The following USP47 variants were observed in gnomAD, a reference collection of about 807,000 sequenced individuals.
USP47 encodes the protein ubiquitin carboxyl-terminal hydrolase 47.
A neutral mutation model predicts 165.1 loss-of-function variants in USP47; 35 were observed. The observed-to-expected ratio is 0.21, with a 90% CI of 0.16 to 0.28. USP47 has a LOEUF of 0.28. USP47 is among the 10% of genes least tolerant of loss of function. The pLI, the probability that USP47 is intolerant of heterozygous loss-of-function variation, is 1.00. For synonymous variants in USP47, 531 were observed against 544.5 expected, an observed-to-expected ratio of 0.98 and a Z score of 0.35; for missense variants, 1,277 against 1,607.4, an observed-to-expected ratio of 0.79 and a Z score of 3.52.
chr11:11,904,153 G>A (rs1564872430), intron 7 of USP47, among the ~76,000 whole-genome samples: 1 of 152,156 alleles, frequency 6.6e-6, no homozygotes, highest in Non-Finnish European at 1.5e-5. Flanking sequence ...TCTTGTTACA[G>A]TTATATGCAC....
Position 11,958,712 on chromosome 11 carries a change from A to C in USP47, c.*2537A>C, listed in dbSNP as rs1847324087. 1 of 152,236 alleles carries C rather than the reference A, an allele frequency of 6.6e-6. No individual in the cohort carries two copies. The highest frequency in any genetic ancestry group is 1.5e-5 in the Non-Finnish European group (1 of 68,064). 9.4% of individuals were successfully genotyped at this position (152,236 alleles called of 1,614,324 possible). On this transcript the variant is annotated 3_prime_UTR_variant, in exon 28 of 28. Transcript: ENST00000527733. ...AAGTACCTGTGTTTCTAAGGCGGGCACTCAAGGTGAGGGGTGCATTCTGGC... is the reference window on the plus strand; with the variant it reads ...AAGTACCTGTGTTTCTAAGGCGGGCCCTCAAGGTGAGGGGTGCATTCTGGC...
intron 8 of USP47, 73 bp from the exon 9 acceptor site, chr11:11,920,083 G>A: frequency 8.7e-7 from 1 of 1,146,732 alleles, no homozygotes. Context: ...AGTAATTACA[G>A]TCTTTTTTAT....
At chr11:11,954,977 G>T in intron 26 of USP47, 33 bp downstream of exon 26, 3 of 1,613,664 alleles carry the variant, frequency 1.9e-6, no homozygotes, top group Non-Finnish European at 2.5e-6. Context: ...TCTGTGTATT[G>T]TGCATGATAA....
Position 11,942,964 on chromosome 11 carries a change from G to A in USP47, c.2943G>A (p.Gly981=). ...TSSRRTKANE[G]KKETWDTAEE... ...GTAGAAGAACGAAAGCAAATGAAGG[G>A]AAAAAAGAAACATGGGATACAGCAG... Residue 981 remains glycine (G), a synonymous_variant, in exon 20 of 28, where the codon GGG becomes GGA. Coordinates refer to ENST00000527733, the MANE Select transcript of USP47 (RefSeq NM_001282659.2). 9 of 1,613,326 alleles carry A rather than the reference G, an allele frequency of 5.6e-6. No individual in the cohort carries two copies. The highest frequency in any genetic ancestry group is 6.8e-6 in the Non-Finnish European group (8 of 1,179,626).
intron 24 of USP47, 119 bp downstream of exon 24, chr11:11,950,601 G>T (rs1402996275): frequency 1.4e-6 from 1 of 711,964 alleles, no homozygotes; most frequent in Non-Finnish European, 2.3e-6. Flanking sequence ...ATAGTGTTTT[G>T]TGTTATATTA....
chr11:11,892,522 T>C (rs939530536), intron 4 of USP47, among the ~76,000 whole-genome samples: 3 of 151,446 alleles, frequency 2.0e-5, no homozygotes, highest in Non-Finnish European at 4.4e-5. Flanking sequence ...GCTGGGATTA[T>C]AGGTGTACTG....
chr11:11,913,332 A>G (rs974541085), intron 8 of USP47, among the ~76,000 whole-genome samples: 2 of 151,828 alleles, frequency 1.3e-5, no homozygotes, highest in Non-Finnish European at 2.9e-5. Flanking sequence ...AAATAACATA[A>G]AAAATAAATT....
chr11:11,933,129 CA>C lies in USP47; in HGVS notation c.1764+14del. The C allele has an allele frequency of 6.2e-7, 1 of 1,603,282 alleles. No homozygotes were observed. The highest frequency in any genetic ancestry group is 8.5e-7 in the Non-Finnish European group (1 of 1,172,998). ...CAATACATGCAAGGTTGAATTCCAT[CA>C]TTTTATTTTTAATTGAAAGTGCTAT... On this transcript the variant is annotated intron_variant, in intron 15 of 27. Coordinates refer to ENST00000527733, the MANE Select transcript of USP47 (RefSeq NM_001282659.2).
rs774862105 is a variant in USP47 at position 11,929,420 on chromosome 11, T to A, written c.1387-14T>A. 6.2e-7 allele frequency: 1 copy of A among 1,609,700 alleles called. No homozygotes were observed. The highest frequency in any genetic ancestry group is 1.1e-5 in the South Asian group (1 of 90,386). ...TTCCTTCTCCTCTGAGTTACTTTTA[T>A]TTTTTCCCCTTAGAATTCCTTGATC... On this transcript the variant is annotated splice_polypyrimidine_tract_variant and intron_variant, in intron 11 of 27. Transcript: ENST00000527733.
At chr11:11,906,607 C>T (rs1476257517) in intron 8 of USP47, among the ~76,000 whole-genome samples, 3 of 152,060 alleles carry the variant, frequency 2.0e-5, no homozygotes, top group African/African-American at 4.8e-5. Context: ...TTCTGGGTAG[C>T]GTAAGATCAA....
At chr11:11,934,911 G>T (rs961952152) in intron 16 of USP47, among the ~76,000 whole-genome samples, 1 of 152,084 alleles carries the variant, frequency 6.6e-6, no homozygotes, top group African/African-American at 2.4e-5. Flanking sequence ...ATCATTTTGT[G>T]TATAATTATA....
rs747121036 is a variant in USP47 at position 11,940,567 on chromosome 11, C to G, written c.2313+19C>G. The stretch of plus-strand genomic sequence containing the variant: ...TAACAAGGTATGTCATTTACTTTTT[C>G]ATTACTATTTTCTATGCTGGTAGTA... On this transcript the variant is annotated intron_variant, in intron 19 of 27. Coordinates refer to ENST00000527733, the MANE Select transcript of USP47 (RefSeq NM_001282659.2). 4 of 1,608,560 alleles carry G rather than the reference C, an allele frequency of 2.5e-6. No individual in the cohort carries two copies. Among genetic ancestry groups the G allele is most frequent in the Non-Finnish European group, 3.4e-6 (4 of 1,176,776 alleles).
chr11:11,883,155 G>A (rs891310105), intron 2 of USP47, among the ~76,000 whole-genome samples: 2 of 152,106 alleles, frequency 1.3e-5, no homozygotes, highest in African/African-American at 2.4e-5. Context: ...GTGACTTTAA[G>A]GAACCCAGCA....
chr11:11,894,419 C>CTCCA (rs1851727546), intron 4 of USP47, among the ~76,000 whole-genome samples: 1 of 152,126 alleles, frequency 6.6e-6, no homozygotes. Context: ...AGCCACTGCA[C>CTCCA]TCCAGCCTGG....
At chr11:11,935,668 A>T (rs906585706) in intron 16 of USP47, among the ~76,000 whole-genome samples, 3 of 151,968 alleles carry the variant, frequency 2.0e-5, no homozygotes, top group Non-Finnish European at 4.4e-5. Flanking sequence ...GTGTTTCTCT[A>T]GGAGGCTTAT....
intron 1 of USP47, among the ~76,000 whole-genome samples, chr11:11,870,770 T>G (rs536438839): frequency 2.0e-5 from 3 of 152,358 alleles, no homozygotes; most frequent in South Asian, 4.1e-4. Context: ...TTGATTCTTT[T>G]TCCTCTCTTT....
At chr11:11,860,244 G>T (rs1849304010) in intron 1 of USP47, among the ~76,000 whole-genome samples, 1 of 151,902 alleles carries the variant, frequency 6.6e-6, no homozygotes, top group Non-Finnish European at 1.5e-5. Flanking sequence ...CTGCTTCCCG[G>T]GTTCAAGCGA....
intron 8 of USP47, 97 bp downstream of exon 8, chr11:11,905,645 C>T (rs1852508349): frequency 1.6e-6 from 2 of 1,227,576 alleles, no homozygotes; most frequent in East Asian, 2.7e-5. Context: ...ATCCTAGATA[C>T]ACCTTCTTGG....
intron 14 of USP47, among the ~76,000 whole-genome samples, chr11:11,932,363 A>G (rs1482843013): frequency 1.3e-5 from 2 of 152,176 alleles, no homozygotes; most frequent in Non-Finnish European, 2.9e-5. Context: ...ACTATATCAC[A>G]TAATCATCAC....
Sources: allele counts gnomAD v4.1 joint callset (sites outside exome capture counted in the v4.1 genomes callset), GRCh38; gene constraint gnomAD v4.1.1; transcripts MANE v1.5; gene names NCBI Gene and HGNC (gene_info 2026-07-23, HGNC 2026-07-21).